TFCP2L1: variants seen among roughly 807,000 people sequenced by gnomAD.
TFCP2L1 encodes transcription factor CP2 like 1.
In TFCP2L1, 12 loss-of-function variants were observed where a neutral mutation model predicts 72.2. The ratio of observed to expected loss-of-function variants is 0.17; its 90% CI spans 0.11 to 0.27. The LOEUF (loss-of-function observed/expected upper bound fraction) is 0.27, where lower values mean the gene tolerates loss of function less well. TFCP2L1 is among the 10% of genes least tolerant of loss of function. TFCP2L1 has a pLI of 1.00. For missense variants in TFCP2L1, 488 were observed against 624.6 expected, an observed-to-expected ratio of 0.78 and a Z score of 2.33; for synonymous variants, 260 against 251.0, an observed-to-expected ratio of 1.04 and a Z score of -0.34.
intron 2 of TFCP2L1, among the ~76,000 whole-genome samples, chr2:121,269,918 A>AAAAAAAAAAAAAAAAAAAAAATAT: frequency 2.7e-4 from 31 of 115,132 alleles, no homozygotes; most frequent in African/African-American, 4.1e-4. Flanking sequence ...AAAAAAAAAA[A>AAAAAAAAAAAAAAAAAAAAAATAT]ATATATATAT....
intron 12 of TFCP2L1, among the ~76,000 whole-genome samples, chr2:121,232,536 G>C (rs548483300): frequency 6.6e-6 from 1 of 152,296 alleles, no homozygotes; most frequent in East Asian, 1.9e-4. Context: ...ACCCAGATGG[G>C]CTGAAGGGAG....
Position 121,219,762 on chromosome 2 carries a change from C to T in TFCP2L1, c.*4579G>A, listed in dbSNP as rs928770192. Reference sequence around the variant, plus strand: ...CTAGGATTAGAGGCATGGGCCACCACGTCCAGCTTTTTGTACGATTTTGAT... The same window carrying T: ...CTAGGATTAGAGGCATGGGCCACCATGTCCAGCTTTTTGTACGATTTTGAT... On this transcript the variant is annotated 3_prime_UTR_variant, in exon 15 of 15. Transcript: ENST00000263707. 5 of 152,350 alleles carry T rather than the reference C, an allele frequency of 3.3e-5. 1 individual carries two copies. The South Asian group carries it at 6.2e-4, about 19-fold the overall frequency. 9.4% of individuals were successfully genotyped at this position (152,350 alleles called of 1,614,324 possible). A position where few individuals can be genotyped will look rare whatever the true frequency, so the allele number is the denominator to read the frequency against.
chr2:121,229,519 G>A (rs1441614045), intron 13 of TFCP2L1, among the ~76,000 whole-genome samples: 1 of 152,148 alleles, frequency 6.6e-6, no homozygotes, highest in African/African-American at 2.4e-5. Flanking sequence ...GTGGCAAGAG[G>A]ATTATTACTA....
At chr2:121,226,689 A>G (rs1186627995) in intron 13 of TFCP2L1, among the ~76,000 whole-genome samples, 1 of 152,246 alleles carries the variant, frequency 6.6e-6, no homozygotes, top group East Asian at 1.9e-4. Flanking sequence ...GGACAAGCCA[A>G]CCTTTTTAAC....
chr2:121,272,759 A>G (rs559530620), intron 2 of TFCP2L1, among the ~76,000 whole-genome samples: 1 of 152,314 alleles, frequency 6.6e-6, no homozygotes, highest in East Asian at 1.9e-4. Flanking sequence ...AGTGTTCTAC[A>G]TGCATTAGCT....
At chr2:121,251,768 C>T (rs188805279) in intron 2 of TFCP2L1, among the ~76,000 whole-genome samples, 3 of 152,318 alleles carry the variant, frequency 2.0e-5, no homozygotes, top group Admixed American at 2.0e-4. Flanking sequence ...TATATCAAAA[C>T]ATCATGTTGC....
At chr2:121,254,802 CA>C (rs35562172) in intron 2 of TFCP2L1, among the ~76,000 whole-genome samples, 6,640 of 121,050 alleles carry the variant, frequency 0.055, 192 homozygotes, top group East Asian at 0.15. Flanking sequence ...GACTCCGTTT[CA>C]AAAAAAAAAA....
Position 121,223,861 on chromosome 2 carries a change from G to C in TFCP2L1, c.*480C>G, listed in dbSNP as rs1373398305. ...TGAAACAGGAGAATGAGGGCAAACT[G>C]CTCCCATCAAGTCGGCAGTGCTGGC... On this transcript the variant is annotated 3_prime_UTR_variant, in exon 15 of 15. Transcript: ENST00000263707. 5 of 170,244 alleles carry C rather than the reference G, an allele frequency of 2.9e-5. No individual in the cohort carries two copies. The South Asian group carries it at 4.5e-4, about 15-fold the overall frequency. 10.5% of individuals were successfully genotyped at this position (170,244 alleles called of 1,614,324 possible).
rs1558722114 is a variant in TFCP2L1 at position 121,221,073 on chromosome 2, T to C, written c.*3268A>G. 1 of 152,226 alleles carries C rather than the reference T, an allele frequency of 6.6e-6. No homozygotes were observed. The highest frequency in any genetic ancestry group is 1.5e-5 in the Non-Finnish European group (1 of 68,040). 9.4% of individuals were successfully genotyped at this position (152,226 alleles called of 1,614,324 possible). A position where few individuals can be genotyped will look rare whatever the true frequency, so the allele number is the denominator to read the frequency against. On this transcript the variant is annotated 3_prime_UTR_variant, in exon 15 of 15. Coordinates refer to ENST00000263707, the MANE Select transcript of TFCP2L1 (RefSeq NM_014553.3). ...CATTTGGCCTTGGTAGTGACATCAC[T>C]TGGGTACAGTGATGACAGACAGCCT...
At chr2:121,281,446 CA>C (rs1046097695) in intron 1 of TFCP2L1, among the ~76,000 whole-genome samples, 175 bp from the exon 2 acceptor site, 1 of 152,112 alleles carries the variant, frequency 6.6e-6, no homozygotes, top group Non-Finnish European at 1.5e-5. Context: ...TGCTTTAAAA[CA>C]GAGGAAACCG....
intron 10 of TFCP2L1, among the ~76,000 whole-genome samples, chr2:121,236,411 C>T (rs1051192890): frequency 2.0e-5 from 3 of 152,150 alleles, no homozygotes; most frequent in African/African-American, 7.2e-5. Context: ...GTGACCGTCT[C>T]ATGGGGACAG....
chr2:121,224,271 G>A lies in TFCP2L1; in HGVS notation c.*70C>T. Reference sequence around the variant, plus strand: ...GCCTGGTGAGGCCACAGCTTACAGTGGGGCAATGTCTACATCCACGGGGAT... The same window carrying A: ...GCCTGGTGAGGCCACAGCTTACAGTAGGGCAATGTCTACATCCACGGGGAT... On this transcript the variant is annotated 3_prime_UTR_variant, in exon 15 of 15. Coordinates refer to ENST00000263707, the MANE Select transcript of TFCP2L1 (RefSeq NM_014553.3). The A allele has an allele frequency of 6.3e-7, 1 of 1,580,820 alleles. No homozygotes were observed. Among genetic ancestry groups the A allele is most frequent in the Non-Finnish European group, 8.7e-7 (1 of 1,153,864 alleles).
intron 2 of TFCP2L1, among the ~76,000 whole-genome samples, chr2:121,258,144 T>C (rs916980280): frequency 2.0e-5 from 3 of 152,126 alleles, no homozygotes; most frequent in African/African-American, 7.2e-5. Flanking sequence ...ATGAAAACAA[T>C]GCAGCCACTG....
At chr2:121,269,468 C>G (rs1207987956) in intron 2 of TFCP2L1, among the ~76,000 whole-genome samples, 1 of 150,390 alleles carries the variant, frequency 6.6e-6, no homozygotes. Flanking sequence ...AACAAAAAAA[C>G]TTTTATTATG....
intron 6 of TFCP2L1, among the ~76,000 whole-genome samples, chr2:121,244,748 C>T (rs1272355010): frequency 1.3e-5 from 2 of 152,212 alleles, no homozygotes; most frequent in African/African-American, 2.4e-5. Context: ...ACTAACATGA[C>T]ATCCCTGGTG....
At chr2:121,232,433 C>A (rs1686164518) in intron 12 of TFCP2L1, among the ~76,000 whole-genome samples, 1 of 152,150 alleles carries the variant, frequency 6.6e-6, no homozygotes. Flanking sequence ...GCCACTGCAC[C>A]CAGCCAGGCT....
intron 13 of TFCP2L1, among the ~76,000 whole-genome samples, chr2:121,230,634 G>A (rs1335413250): frequency 2.0e-5 from 3 of 151,674 alleles, no homozygotes; most frequent in Non-Finnish European, 4.4e-5. Context: ...TTAGGCAGGC[G>A]TGGTGGTGAG....
rs781088812 is a variant in TFCP2L1, at chr2:121,235,328, C to T, written c.1004-17G>A. On this transcript the variant is annotated splice_polypyrimidine_tract_variant and intron_variant, in intron 10 of 14. Transcript: ENST00000263707. ...AGTCAGCACCTAGGCAGGAAAAAAA[C>T]GGGGATGCCTGTTACATGGAACCCA... 2.5e-5 allele frequency: 41 copies of T among 1,613,594 alleles called. No individual in the cohort carries two copies. In the Admixed American group the frequency reaches 3.0e-4, roughly 12 times the overall value.
intron 1 of TFCP2L1, among the ~76,000 whole-genome samples, chr2:121,284,628 G>A (rs984065985): frequency 2.0e-5 from 3 of 152,220 alleles, no homozygotes; most frequent in Non-Finnish European, 2.9e-5. Context: ...CGGCGGAGAC[G>A]GGCAAAGAGC....
Sources: allele counts gnomAD v4.1 joint callset (sites outside exome capture counted in the v4.1 genomes callset), GRCh38; gene constraint gnomAD v4.1.1; transcripts MANE v1.5; gene names NCBI Gene and HGNC (gene_info 2026-07-23, HGNC 2026-07-21).